Variants in ADAMTSL1 observed in about 807,000 individuals in gnomAD.
The protein encoded by ADAMTSL1 is ADAMTS like 1, also known as ADAMTS-like protein 1.
ADAMTSL1 carries 126 observed loss-of-function variants against 201.8 expected under a neutral mutation model. That is an observed-to-expected ratio of 0.62 (90% CI 0.54 to 0.72). The LOEUF is 0.72. Among genes scored for constraint, ADAMTSL1 ranks in the 30% least tolerant of loss-of-function variants. The pLI is 0.00. For missense variants in ADAMTSL1, 2,679 were observed against 2,277.8 expected, an observed-to-expected ratio of 1.18 and a Z score of -3.59; for synonymous variants, 1,121 against 903.4, an observed-to-expected ratio of 1.24 and a Z score of -4.32.
At chr9:18,679,962 A>C (rs1053604527) in intron 10 of ADAMTSL1, among the ~76,000 whole-genome samples, 1 of 152,248 alleles carries the variant, frequency 6.6e-6, no homozygotes, top group Admixed American at 6.5e-5. Context: ...GAGTTTAATG[A>C]AAATAAATTT....
In ADAMTSL1 at chr9:18,607,436, A is replaced by G. The variant is rs147429457; in HGVS notation, c.475-14807A>G. On this transcript the variant is annotated intron_variant, in intron 4 of 28. Coordinates refer to ENST00000380548, the MANE Select transcript of ADAMTSL1 (RefSeq NM_001040272.6). ...TGGGGACTTTTCAATTTAGATTCAC[A>G]TAGATATATTGAAAAGAACGCATTG... Among the ~76,000 whole-genome samples the G allele has an allele frequency of 4.5e-4, 69 of 152,328 alleles. 2 individuals are homozygous for G. The East Asian group carries it at 0.011, about 24-fold the overall frequency.
intron 7 of ADAMTSL1, among the ~76,000 whole-genome samples, chr9:18,649,189 A>G (rs1483996369): frequency 6.6e-6 from 1 of 152,092 alleles, no homozygotes; most frequent in African/African-American, 2.4e-5. Flanking sequence ...TCAGCTCCTG[A>G]GGCTTCTGCA....
intron 1 of ADAMTSL1, among the ~76,000 whole-genome samples, chr9:17,999,376 C>T (rs562474240): frequency 6.6e-6 from 1 of 152,028 alleles, no homozygotes; most frequent in South Asian, 2.1e-4. Context: ...TGTGATGCTT[C>T]TCCCAGAATT....
At chr9:18,352,285 G>A (rs1412744990) in intron 2 of ADAMTSL1, among the ~76,000 whole-genome samples, 3 of 152,156 alleles carry the variant, frequency 2.0e-5, no homozygotes, top group Non-Finnish European at 2.9e-5. Flanking sequence ...AGGATTTCAG[G>A]TGTTACTATA....
chr9:17,959,940 G>A (rs1253453743), intron 1 of ADAMTSL1, among the ~76,000 whole-genome samples: 1 of 152,066 alleles, frequency 6.6e-6, no homozygotes, highest in African/African-American at 2.4e-5. Context: ...ATCCCTAGGA[G>A]TCCCCTGAGA....
intron 2 of ADAMTSL1, among the ~76,000 whole-genome samples, chr9:18,358,454 A>G (rs1393361770): frequency 1.3e-5 from 2 of 152,192 alleles, no homozygotes; most frequent in African/African-American, 4.8e-5. Context: ...TTGTGCAACC[A>G]TAACCACTAA....
chr9:18,776,183 C>A (rs760312416), intron 18 of ADAMTSL1, among the ~76,000 whole-genome samples: 5 of 150,836 alleles, frequency 3.3e-5, no homozygotes, highest in Non-Finnish European at 4.4e-5. Flanking sequence ...CAGTGTATTA[C>A]TAATGATGTC....
chr9:18,046,670 G>A (rs1821673023), intron 1 of ADAMTSL1, among the ~76,000 whole-genome samples: 1 of 151,976 alleles, frequency 6.6e-6, no homozygotes, highest in African/African-American at 2.4e-5. Flanking sequence ...TAATAATGAT[G>A]GAAACTATAA....
intron 23 of ADAMTSL1, among the ~76,000 whole-genome samples, chr9:18,883,322 G>A (rs1356417238): frequency 6.6e-6 from 1 of 152,182 alleles, no homozygotes; most frequent in African/African-American, 2.4e-5. Context: ...GTCCCGGCAT[G>A]ACTTTCTAAT....
intron 2 of ADAMTSL1, among the ~76,000 whole-genome samples, chr9:18,245,188 C>G (rs567844664): frequency 7.9e-5 from 12 of 152,106 alleles, no homozygotes; most frequent in South Asian, 2.1e-4. Context: ...TCTACAGCAG[C>G]GCTGTCCAAT....
At chr9:18,100,383 C>T (rs543487238) in intron 1 of ADAMTSL1, among the ~76,000 whole-genome samples, 1 of 152,264 alleles carries the variant, frequency 6.6e-6, no homozygotes, top group South Asian at 2.1e-4. Context: ...CGGGCTCAAG[C>T]AATTCTCCTG....
chr9:18,828,055 T>A (rs997072156), intron 22 of ADAMTSL1, among the ~76,000 whole-genome samples: 3 of 152,224 alleles, frequency 2.0e-5, no homozygotes, highest in Non-Finnish European at 4.4e-5. Context: ...ACCTGTACTA[T>A]GAGGACTTGA....
At chr9:18,873,378 A>G (rs777038657) in intron 23 of ADAMTSL1, among the ~76,000 whole-genome samples, 12 of 152,116 alleles carry the variant, frequency 7.9e-5, no homozygotes, top group Non-Finnish European at 1.5e-4. Flanking sequence ...TGCTGAAGCC[A>G]ATGTCAAGAA....
chr9:18,293,090 T>C (rs555464995), intron 2 of ADAMTSL1, among the ~76,000 whole-genome samples: 19 of 152,320 alleles, frequency 1.2e-4, no homozygotes, highest in African/African-American at 3.4e-4. Flanking sequence ...GTGCCAGACA[T>C]GATCTTATTC....
At chr9:18,063,868 G>A (rs953641315) in intron 1 of ADAMTSL1, among the ~76,000 whole-genome samples, 6 of 152,036 alleles carry the variant, frequency 3.9e-5, no homozygotes, top group East Asian at 1.9e-4. Context: ...TTGCAGAGAC[G>A]TTTGGCTCTG....
intron 1 of ADAMTSL1, among the ~76,000 whole-genome samples, chr9:18,503,419 G>GTA (rs1206500089): frequency 1.0e-4 from 6 of 58,256 alleles, no homozygotes; most frequent in Admixed American, 1.9e-4. Flanking sequence ...GTATTCCATT[G>GTA]TGTATATATA....
intron 1 of ADAMTSL1, among the ~76,000 whole-genome samples, chr9:18,075,517 C>T (rs1823180931): frequency 6.7e-6 from 1 of 150,038 alleles, no homozygotes; most frequent in Admixed American, 6.6e-5. Flanking sequence ...AAGTCAGTTT[C>T]AATATAAAAG....
intron 13 of ADAMTSL1, among the ~76,000 whole-genome samples, chr9:18,706,417 T>G (rs951751287): frequency 6.6e-6 from 1 of 152,158 alleles, no homozygotes; most frequent in African/African-American, 2.4e-5. Flanking sequence ...TCCTATCTCA[T>G]TGGAATTTAG....
chr9:18,197,368 G>C (rs1404998059), intron 2 of ADAMTSL1, among the ~76,000 whole-genome samples: 1 of 148,736 alleles, frequency 6.7e-6, no homozygotes, highest in African/African-American at 2.5e-5. Context: ...GCAGTGGTTT[G>C]TAGTTCTCCT....
Sources: gnomAD v4.1 joint callset for allele counts (sites outside exome capture counted in the v4.1 genomes callset) on GRCh38, gnomAD v4.1.1 for gene constraint, MANE v1.5 for transcripts, NCBI Gene and HGNC (gene_info 2026-07-23, HGNC 2026-07-21) for gene names.